The following PCDH10 variants were observed in gnomAD, a reference collection of about 807,000 sequenced individuals.
PCDH10 encodes the protein protocadherin 10.
Under a neutral mutation model 74.4 loss-of-function variants are expected in PCDH10, and 15 were observed. That is an observed-to-expected ratio of 0.20 (90% confidence interval 0.13 to 0.31). The LOEUF (loss-of-function observed/expected upper bound fraction) is 0.31, where lower values mean the gene tolerates loss of function less well. PCDH10 is among the 10% of genes least tolerant of loss of function. The pLI, the probability that PCDH10 is intolerant of heterozygous loss-of-function variation, is 1.00. For missense variants in PCDH10, 1,260 were observed against 1,390.2 expected (o/e 0.91, Z 1.49); for synonymous variants, 619 against 589.8 (o/e 1.05, Z -0.72).
At position 133,151,558 on chromosome 4, in the gene PCDH10, C is replaced by G. The variant is rs182593405; in HGVS notation, c.1418C>G (p.Thr473Ser). The change falls in exon 1 of 5, where the codon ACT becomes AGT. Residue 473 changes from threonine to serine, a missense_variant. Around this residue, in one of 11 missense-constraint regions of PCDH10, gnomAD observed 587 missense variants for 616.9 expected, o/e 0.95. Coordinates refer to ENST00000264360, the MANE Select transcript of PCDH10 (RefSeq NM_032961.3). The part of the protein sequence containing the change: ...FSQPVYDVYV[T>S]ENNVPGAYIY... ...CAGCCGGTCTACGACGTGTATGTGA[C>G]TGAAAACAACGTGCCTGGCGCCTAC... is the stretch of plus-strand genomic sequence containing the variant. The G allele has an allele frequency of 1.5e-5, 24 of 1,614,120 alleles. No homozygotes were observed. The East Asian group carries it at 4.9e-4, about 33-fold the overall frequency.
At chr4:133,201,033 G>C (rs909761291) in intron 2 of PCDH10, among the ~76,000 whole-genome samples, 3 of 151,996 alleles carry the variant, frequency 2.0e-5, no homozygotes, top group African/African-American at 7.3e-5. Flanking sequence ...TGAAATGTAG[G>C]CATTTTTATT....
intron 4 of PCDH10, among the ~76,000 whole-genome samples, chr4:133,186,172 A>T (rs573649205): frequency 1.3e-5 from 2 of 152,118 alleles, no homozygotes; most frequent in African/African-American, 4.8e-5. Flanking sequence ...AATTATATCT[A>T]TGCTAAGTTA....
rs777683475 is a variant in PCDH10 at position 133,152,687 on chromosome 4, G to A, written c.2547G>A (p.Glu849=). 17 of 1,614,092 alleles carry A rather than the reference G, an allele frequency of 1.1e-5. No individual in the cohort carries two copies. In the East Asian group the frequency reaches 2.7e-4, roughly 25 times the overall value. The change falls in exon 1 of 5, where the codon GAG becomes GAA. Residue 849 remains glutamate, a synonymous_variant. Transcript: ENST00000264360. Reference sequence around the variant, plus strand: ...GCCCTTCGCGGAGTACGGACACTGAGCACAACCCCTGCGGGGCCATCGTCA... The same window carrying A: ...GCCCTTCGCGGAGTACGGACACTGAACACAACCCCTGCGGGGCCATCGTCA... The part of the protein sequence containing the change: ...PCSPSRSTDT[E]HNPCGAIVTG...
chr4:133,189,583 G>C (rs932939609), intron 4 of PCDH10, among the ~76,000 whole-genome samples: 2 of 151,692 alleles, frequency 1.3e-5, no homozygotes, highest in African/African-American at 4.8e-5. Flanking sequence ...AAATGTATGG[G>C]CCATAAAAAT....
chr4:133,153,077 G>A, intron 1 of PCDH10: 1 of 1,349,038 alleles, frequency 7.4e-7, no homozygotes, highest in Non-Finnish European at 9.5e-7. Flanking sequence ...GGGCATGAAG[G>A]GAAACTGCGT....
chr4:133,196,050 G>A (rs536318245), downstream of PCDH10, among the ~76,000 whole-genome samples: 1 of 152,080 alleles, frequency 6.6e-6, no homozygotes. Flanking sequence ...TTGTAGAATT[G>A]CTGTGAGGAT....
At chr4:133,188,665 G>C (rs1322053751) in intron 4 of PCDH10, among the ~76,000 whole-genome samples, 1 of 74,664 alleles carries the variant, frequency 1.3e-5, no homozygotes, top group Non-Finnish European at 2.4e-5. Flanking sequence ...ACTGCTATGG[G>C]TTTTTTTTTT....
intron 4 of PCDH10, among the ~76,000 whole-genome samples, chr4:133,189,556 G>A (rs941902823): frequency 6.6e-6 from 1 of 151,740 alleles, no homozygotes; most frequent in South Asian, 2.1e-4. Flanking sequence ...GATTCTCATA[G>A]TAAGAATACT....
intron 4 of PCDH10, among the ~76,000 whole-genome samples, chr4:133,166,103 T>C (rs1727075072): frequency 6.6e-6 from 1 of 151,624 alleles, no homozygotes; most frequent in Admixed American, 6.6e-5. Context: ...TTTCTGAGCT[T>C]GCTTTCTCTT....
At position 133,152,688 on chromosome 4, in the gene PCDH10, C is replaced by T. The variant is rs757663766; in HGVS notation, c.2548C>T (p.His850Tyr). 5.0e-6 allele frequency: 8 copies of T among 1,614,224 alleles called. No individual in the cohort carries two copies. Among genetic ancestry groups the T allele is most frequent in the Non-Finnish European group, 5.1e-6 (6 of 1,180,044 alleles). ...CSPSRSTDTE[H>Y]NPCGAIVTGY... ...CCCTTCGCGGAGTACGGACACTGAG[C>T]ACAACCCCTGCGGGGCCATCGTCAC... Residue 850 changes from histidine to tyrosine, a missense_variant, in exon 1 of 5, where the codon CAC becomes TAC. Physicochemically the swap from His to Tyr is moderately conservative, Grantham distance 83. This residue lies in a region of PCDH10 where 587 missense variants were observed against 616.9 expected (regional missense o/e 0.95). Coordinates refer to ENST00000264360, the MANE Select transcript of PCDH10 (RefSeq NM_032961.3).
chr4:133,192,507 A>C lies in PCDH10; in HGVS notation c.*2347A>C, dbSNP rs977398527. On this transcript the variant is annotated 3_prime_UTR_variant, in exon 5 of 5. Transcript: ENST00000264360. ...CATTTACCTCAAAGACATTTTCTTTAATTATTTAACCTTTTATATCATTGT... is the reference window on the plus strand; with the variant it reads ...CATTTACCTCAAAGACATTTTCTTTCATTATTTAACCTTTTATATCATTGT... The C allele has an allele frequency of 6.6e-6, 1 of 151,616 alleles. No individual in the cohort carries two copies. Among genetic ancestry groups the C allele is most frequent in the African/African-American group, 2.4e-5 (1 of 41,420 alleles). 9.4% of individuals were successfully genotyped at this position (151,616 alleles called of 1,614,324 possible).
chr4:133,152,888 T>C, intron 1 of PCDH10, 117 bp downstream of exon 1: 2 of 1,488,262 alleles, frequency 1.3e-6, no homozygotes, highest in South Asian at 1.4e-5. Flanking sequence ...AGCTTATGTG[T>C]ATCGTTGTGG....
In PCDH10 at chr4:133,191,134, A is replaced by G. The variant is rs1727658482; in HGVS notation, c.*974A>G. On this transcript the variant is annotated 3_prime_UTR_variant, in exon 5 of 5. Transcript: ENST00000264360. ...GAATTTAGAATCACTTAAAGCTTTT[A>G]TAAAGAATCGATAAATTCACCTGTA... is the stretch of plus-strand genomic sequence containing the variant. 1 of 152,414 alleles carries G rather than the reference A, an allele frequency of 6.6e-6. No individual in the cohort carries two copies. The highest frequency in any genetic ancestry group is 1.5e-5 in the Non-Finnish European group (1 of 67,910). 9.4% of individuals were successfully genotyped at this position (152,414 alleles called of 1,614,324 possible). A position where few individuals can be genotyped will look rare whatever the true frequency, so the allele number is the denominator to read the frequency against.
chr4:133,190,319 T>C lies in PCDH10; in HGVS notation c.*159T>C, dbSNP rs1727633949. The C allele has an allele frequency of 4.4e-6, 3 of 683,548 alleles. No homozygotes were observed. In the East Asian group the frequency reaches 8.0e-5, roughly 18 times the overall value. The allele number at this position is 683,548 out of a possible 1,614,324, so 42.3% of individuals were successfully genotyped here. On this transcript the variant is annotated 3_prime_UTR_variant, in exon 5 of 5. Transcript: ENST00000264360. Reference sequence around the variant, plus strand: ...CATCATGGCCAATTATAGGACCTAATTGCTCTCAGCAGGCCTGAGAAATGA... The same window carrying C: ...CATCATGGCCAATTATAGGACCTAACTGCTCTCAGCAGGCCTGAGAAATGA...
intron 2 of PCDH10, among the ~76,000 whole-genome samples, chr4:133,206,037 T>A (rs1043301077): frequency 2.0e-5 from 3 of 152,128 alleles, no homozygotes; most frequent in South Asian, 2.1e-4. Flanking sequence ...TCTGTCCCTG[T>A]GTGGAGGGCT....
At chr4:133,205,597 AT>A (rs1265943924) in intron 2 of PCDH10, among the ~76,000 whole-genome samples, 3 of 151,594 alleles carry the variant, frequency 2.0e-5, no homozygotes, top group Non-Finnish European at 2.9e-5. Flanking sequence ...TACTCTCATC[AT>A]TTCTTCCCTT....
chr4:133,196,696 C>G (rs1055248915), downstream of PCDH10, among the ~76,000 whole-genome samples: 3 of 152,198 alleles, frequency 2.0e-5, no homozygotes, highest in Non-Finnish European at 4.4e-5. Flanking sequence ...CAAAGTTAAA[C>G]TATAAACCAA....
chr4:133,160,292 G>T (rs1022337808), intron 3 of PCDH10, among the ~76,000 whole-genome samples: 1 of 151,554 alleles, frequency 6.6e-6, no homozygotes, highest in Admixed American at 6.6e-5. Flanking sequence ...ATTACTAAAG[G>T]ACTTCCACTT....
chr4:133,200,479 C>A (rs985798269), intron 2 of PCDH10, among the ~76,000 whole-genome samples: 1 of 151,930 alleles, frequency 6.6e-6, no homozygotes, highest in Non-Finnish European at 1.5e-5. Flanking sequence ...AAAATCTTTC[C>A]TATGCATCTG....
Sources: allele counts gnomAD v4.1 joint callset (sites outside exome capture counted in the v4.1 genomes callset), GRCh38; gene constraint gnomAD v4.1.1; regional missense constraint gnomAD v4.1.1; transcripts MANE v1.5; gene names NCBI Gene and HGNC (gene_info 2026-07-23, HGNC 2026-07-21).